The following RASGEF1C variants were observed in gnomAD, a reference collection of about 807,000 sequenced individuals.
RASGEF1C encodes RasGEF domain family member 1C.
RASGEF1C carries 27 observed loss-of-function variants against 58.1 expected under a neutral mutation model. That is an observed-to-expected ratio of 0.46 (90% CI 0.34 to 0.64). The LOEUF is 0.64. Among genes scored for constraint, RASGEF1C ranks in the 30% least tolerant of loss-of-function variants. RASGEF1C has a pLI of 0.01. For synonymous variants in RASGEF1C, 243 were observed against 246.3 expected (o/e 0.99, Z 0.13); for missense variants, 502 against 605.1 (o/e 0.83, Z 1.79).
Position 180,111,528 on chromosome 5 carries a change from A to C in RASGEF1C, c.1232T>G (p.Val411Gly). ...QVGEFITWKQ[V>G]ECPFEQDASI... is the part of the protein sequence containing the mutation. ...GGCGTCTTGCTCGAAGGGACACTCC[A>C]CTTGTTTCCAGGTGATGAACTCCCC... The change falls in exon 12 of 14, where the codon GTG becomes GGG. Residue 411 changes from valine to glycine, a missense_variant. Val to Gly is a moderately radical substitution (Grantham distance 109). Coordinates refer to ENST00000361132, the MANE Select transcript of RASGEF1C (RefSeq NM_175062.4). 1 of 1,614,114 alleles carries C rather than the reference A, an allele frequency of 6.2e-7. No individual in the cohort carries two copies.
chr5:180,136,035 G>A (rs1395595922), intron 4 of RASGEF1C, among the ~76,000 whole-genome samples: 1 of 152,234 alleles, frequency 6.6e-6, no homozygotes, highest in Non-Finnish European at 1.5e-5. Flanking sequence ...GCAGGAGGGG[G>A]TAGGTCTCCG....
intron 12 of RASGEF1C, among the ~76,000 whole-genome samples, chr5:180,106,702 G>GCTATACCA (rs1765879332): frequency 6.6e-6 from 1 of 152,106 alleles, no homozygotes; most frequent in Non-Finnish European, 1.5e-5. Context: ...GTATATTTTG[G>GCTATACCA]TCTATATTCT....
At chr5:180,121,005 A>C (rs1271036517) in intron 7 of RASGEF1C, 55 bp downstream of exon 7, 3 of 1,363,604 alleles carry the variant, frequency 2.2e-6, no homozygotes, top group Non-Finnish European at 3.2e-6. Flanking sequence ...GGCTCCTCCC[A>C]ACTCCGGCCG....
chr5:180,168,921 T>C lies in RASGEF1C; in HGVS notation c.-6-30863A>G, dbSNP rs1235359100. ...CGTCCAGGTTCCATGCTGCCCTGAG[T>C]GCAGGCTTGGCTAGAGCGGGGGAAA... On this transcript the variant is annotated intron_variant, in intron 1 of 13. Transcript: ENST00000361132. The surrounding 1 kb of genome is among the most constrained non-coding windows in gnomAD (Gnocchi z 6.0). Among the ~76,000 whole-genome samples, 1 of 152,166 alleles carries C rather than the reference T, an allele frequency of 6.6e-6. No individual in the cohort carries two copies. Among genetic ancestry groups the C allele is most frequent in the Non-Finnish European group, 1.5e-5 (1 of 68,042 alleles).
intron 1 of RASGEF1C, among the ~76,000 whole-genome samples, chr5:180,140,575 T>C (rs6601085): frequency 0.94 from 142,822 of 152,228 alleles, 67,705 homozygotes; most frequent in East Asian, 1. Flanking sequence ...GAGCTGCTGC[T>C]ACCAGCGGGC....
chr5:180,115,292 A>C (rs1025154364), intron 10 of RASGEF1C: 1 of 382,932 alleles, frequency 2.6e-6, no homozygotes, highest in African/African-American at 2.2e-5. Context: ...CTCCTTTTTA[A>C]AAAAAAAAAA....
In RASGEF1C at chr5:180,136,362, C is replaced by T. The variant is rs1351798822; in HGVS notation, c.438+16G>A. On this transcript the variant is annotated intron_variant, in intron 4 of 13. Transcript: ENST00000361132. Reference sequence around the variant, plus strand: ...GGAGGGACCCAGGGTGACGCGACCCCCGCCCAGCTGCCCACCTCGTCACAG... The same window carrying T: ...GGAGGGACCCAGGGTGACGCGACCCTCGCCCAGCTGCCCACCTCGTCACAG... 6.4e-7 allele frequency: 1 copy of T among 1,550,388 alleles called. No homozygotes were observed.
chr5:180,172,408 C>T (rs1267492055), intron 1 of RASGEF1C, among the ~76,000 whole-genome samples: 1 of 152,190 alleles, frequency 6.6e-6, no homozygotes, highest in Non-Finnish European at 1.5e-5. Flanking sequence ...GGCCTCTCTC[C>T]TGCATGTGAC....
At chr5:180,208,174 C>T (rs748063562) in intron 1 of RASGEF1C, among the ~76,000 whole-genome samples, 21 of 152,224 alleles carry the variant, frequency 1.4e-4, no homozygotes, top group Admixed American at 2.6e-4. Context: ...ATGGTCCCGC[C>T]CCTCTCTAAA....
intron 12 of RASGEF1C, among the ~76,000 whole-genome samples, chr5:180,103,429 C>T (rs1018481083): frequency 6.6e-6 from 1 of 152,166 alleles, no homozygotes; most frequent in Non-Finnish European, 1.5e-5. Context: ...GTTCCATTTC[C>T]ACCTACATAT....
chr5:180,105,762 G>C (rs1765865658), intron 12 of RASGEF1C, among the ~76,000 whole-genome samples: 1 of 152,100 alleles, frequency 6.6e-6, no homozygotes, highest in South Asian at 2.1e-4. Flanking sequence ...CAGTGACTTG[G>C]GTGGCTGAGG....
At chr5:180,103,845 T>G (rs1765836083) in intron 12 of RASGEF1C, among the ~76,000 whole-genome samples, 1 of 152,188 alleles carries the variant, frequency 6.6e-6, no homozygotes, top group East Asian at 1.9e-4. Flanking sequence ...TGCTGATAAA[T>G]TCCCTTCTAT....
At chr5:180,126,323 T>C (rs533680027) in intron 6 of RASGEF1C, among the ~76,000 whole-genome samples, 11 of 151,884 alleles carry the variant, frequency 7.2e-5, no homozygotes, top group Non-Finnish European at 1.3e-4. Flanking sequence ...AGGAGAACGG[T>C]GTGAACCCGG....
At chr5:180,161,861 C>T (rs1766950216) in intron 1 of RASGEF1C, among the ~76,000 whole-genome samples, 1 of 147,000 alleles carries the variant, frequency 6.8e-6, no homozygotes, top group African/African-American at 2.5e-5. Flanking sequence ...TTCTCACAGC[C>T]CCTGTCACCG....
chr5:180,137,818 GC>G lies in RASGEF1C; in HGVS notation c.177+57del, dbSNP rs756612322. On this transcript the variant is annotated intron_variant, in intron 2 of 13. Coordinates refer to ENST00000361132, the MANE Select transcript of RASGEF1C (RefSeq NM_175062.4). This position sits in a 1 kb window ranked among gnomAD's most constrained non-coding sequence, Gnocchi z 4.1. ...GCCCAAGGTCACGCCCAACCCTGATGCCCCCCGTGCGTGGTGGAGGAGAGCC... is the reference window on the plus strand; with the variant it reads ...GCCCAAGGTCACGCCCAACCCTGATGCCCCCGTGCGTGGTGGAGGAGAGCC... 11 of 1,602,094 alleles carry G rather than the reference GC, an allele frequency of 6.9e-6. No homozygotes were observed. The highest frequency in any genetic ancestry group is 9.4e-6 in the Non-Finnish European group (11 of 1,174,782).
chr5:180,101,358 G>C lies in RASGEF1C; in HGVS notation c.*143C>G, dbSNP rs2278660. ...GTGCCCGTATGGCCACTGTGGGGGG[G>C]GGGGGGGCGGGCAGCAGGCCACAGG... On this transcript the variant is annotated 3_prime_UTR_variant, in exon 14 of 14. Coordinates refer to ENST00000361132, the MANE Select transcript of RASGEF1C (RefSeq NM_175062.4). 15 of 850,786 alleles carry C rather than the reference G, an allele frequency of 1.8e-5. No individual in the cohort carries two copies. The highest frequency in any genetic ancestry group is 6.0e-5 in the African/African-American group (3 of 49,662). The allele number at this position is 850,786 out of a possible 1,614,324, so 52.7% of individuals were successfully genotyped here.
chr5:180,140,111 G>C (rs1041559808), intron 1 of RASGEF1C, among the ~76,000 whole-genome samples: 1 of 152,180 alleles, frequency 6.6e-6, no homozygotes, highest in East Asian at 1.9e-4. Context: ...CAGGTGCTGG[G>C]CACATGGGAG....
chr5:180,113,136 A>G (rs375691779), intron 11 of RASGEF1C, among the ~76,000 whole-genome samples: 613 of 55,646 alleles, frequency 0.011, 49 homozygotes, highest in African/African-American at 0.012. Flanking sequence ...GGAGGGATCG[A>G]GGATGGATGG....
chr5:180,157,459 T>TAA (rs55833450), intron 1 of RASGEF1C, among the ~76,000 whole-genome samples: 50 of 148,304 alleles, frequency 3.4e-4, no homozygotes, highest in Middle Eastern at 3.5e-3. Context: ...CTGTCTCTAC[T>TAA]AAAAAAAAAA....
Sources: gnomAD v4.1 joint callset for allele counts (sites outside exome capture counted in the v4.1 genomes callset) on GRCh38, gnomAD v4.1.1 for gene constraint, Gnocchi (gnomAD v3.1) non-coding constraint, MANE v1.5 for transcripts, NCBI Gene and HGNC (gene_info 2026-07-23, HGNC 2026-07-21) for gene names.